Variants in EXOC6B observed in about 807,000 individuals in gnomAD.
EXOC6B encodes the protein SEC15 homolog B.
EXOC6B carries 54 observed loss-of-function variants against 113.5 expected under a neutral mutation model. The observed-to-expected ratio is 0.48, with a 90% CI of 0.38 to 0.60. EXOC6B has a LOEUF of 0.60. EXOC6B is among the 20% of genes least tolerant of loss of function. The pLI, the probability that EXOC6B is intolerant of heterozygous loss-of-function variation, is 0.00. For synonymous variants in EXOC6B, 357 were observed against 339.0 expected, an observed-to-expected ratio of 1.05 and a Z score of -0.58; for missense variants, 797 against 977.5, an observed-to-expected ratio of 0.82 and a Z score of 2.46.
intron 5 of EXOC6B, among the ~76,000 whole-genome samples, chr2:72,722,465 T>G (rs1293471312): frequency 6.6e-6 from 1 of 152,228 alleles, no homozygotes; most frequent in Non-Finnish European, 1.5e-5. Context: ...TTTTTTTGTT[T>G]TGTTTTGTTT....
Position 72,513,132 on chromosome 2 carries a change from C to T in EXOC6B, c.1167G>A (p.Ser389=). 1.2e-6 allele frequency: 2 copies of T among 1,612,704 alleles called. No homozygotes were observed. Among genetic ancestry groups the T allele is most frequent in the Non-Finnish European group, 8.5e-7 (1 of 1,179,166 alleles). Residue 389 remains serine (S), a splice_region_variant and synonymous_variant, in exon 11 of 22, where the codon TCG becomes TCA. Transcript: ENST00000272427. The part of the protein sequence containing the change: ...SKTIAALRTH[S]SYCSDPNLVL... ...AACTTCCCTTGGGCTTCTTACATAC[C>T]GAGTGGGTACGGAGTGCTGCGATGG...
intron 18 of EXOC6B, among the ~76,000 whole-genome samples, chr2:72,443,907 C>T (rs1696394455): frequency 6.6e-6 from 1 of 151,988 alleles, no homozygotes; most frequent in Admixed American, 6.6e-5. Flanking sequence ...GCCCATAGGC[C>T]CTCCCAAATC....
At chr2:72,647,099 A>C (rs1416933911) in intron 6 of EXOC6B, among the ~76,000 whole-genome samples, 2 of 152,218 alleles carry the variant, frequency 1.3e-5, no homozygotes, top group African/African-American at 2.4e-5. Context: ...TCAGGATACA[A>C]AATCAATGTG....
At chr2:72,725,183 T>C (rs1680227582) in intron 5 of EXOC6B, among the ~76,000 whole-genome samples, 2 of 152,260 alleles carry the variant, frequency 1.3e-5, no homozygotes, top group South Asian at 4.2e-4. Context: ...TTAAAGCAGC[T>C]AGAGAAAAGA....
chr2:72,427,604 G>A (rs1695276638), intron 18 of EXOC6B, among the ~76,000 whole-genome samples: 1 of 152,202 alleles, frequency 6.6e-6, no homozygotes, highest in East Asian at 1.9e-4. Context: ...AGCATTGTGG[G>A]GAACATGAGG....
At chr2:72,498,085 T>C (rs767520417) in intron 13 of EXOC6B, among the ~76,000 whole-genome samples, 10 of 152,208 alleles carry the variant, frequency 6.6e-5, no homozygotes, top group Non-Finnish European at 1.3e-4. Flanking sequence ...TTACTCACTA[T>C]AATTGAGTTG....
Position 72,439,253 on chromosome 2 carries a change from G to T in EXOC6B, c.1980+25907C>A, listed in dbSNP as rs115426912. On this transcript the variant is annotated intron_variant, in intron 18 of 21. Coordinates refer to ENST00000272427, the MANE Select transcript of EXOC6B (RefSeq NM_015189.3). ...TGGGGATATTTAACTAGGGTTCTCT[G>T]AATTTACTGAATTTGAATGCTGCCC... Among the ~76,000 whole-genome samples the T allele has an allele frequency of 5.3e-3, 804 of 152,286 alleles. 8 individuals carry two copies. Among genetic ancestry groups the T allele is most frequent in the African/African-American group, 0.019 (770 of 41,558 alleles).
rs182237165 is a variant in EXOC6B, at chr2:72,251,287, T to G, written c.2197-67100A>C. Among the ~76,000 whole-genome samples, 602 of 152,334 alleles carry G rather than the reference T, an allele frequency of 4.0e-3. 2 individuals carry two copies. Among genetic ancestry groups the G allele is most frequent in the Non-Finnish European group, 5.8e-3 (396 of 68,034 alleles). On this transcript the variant is annotated intron_variant, in intron 20 of 21. Transcript: ENST00000272427. ...TGTGTGCAAAGTGTATACAGGAATT[T>G]ATGTTTAGGTAACACAATTTGTTTT...
At chr2:72,270,632 T>C (rs971792878) in intron 20 of EXOC6B, among the ~76,000 whole-genome samples, 1 of 152,306 alleles carries the variant, frequency 6.6e-6, no homozygotes, top group Non-Finnish European at 1.5e-5. Flanking sequence ...TTTTCTTAGC[T>C]GCTTGCTTCT....
At chr2:72,402,637 A>G (rs1211720007) in intron 18 of EXOC6B, among the ~76,000 whole-genome samples, 8 of 152,130 alleles carry the variant, frequency 5.3e-5, no homozygotes, top group Admixed American at 5.2e-4. Context: ...GGGCTTTCTC[A>G]GATAGTTTCT....
chr2:72,699,456 C>T (rs1212628022), intron 6 of EXOC6B, among the ~76,000 whole-genome samples: 4 of 145,364 alleles, frequency 2.8e-5, no homozygotes, highest in Admixed American at 1.4e-4. Context: ...CCAGCCTGGG[C>T]GACAGAGTGA....
At chr2:72,570,102 G>T (rs1399156296) in intron 7 of EXOC6B, among the ~76,000 whole-genome samples, 1 of 152,088 alleles carries the variant, frequency 6.6e-6, no homozygotes, top group African/African-American at 2.4e-5. Context: ...AAAATTAAAT[G>T]AAATCATAAG....
In EXOC6B at chr2:72,311,595, T is replaced by G. The variant is rs557534427; in HGVS notation, c.2196+23352A>C. ...CCCACCAAGATAATCAGGATAATCT[T>G]ACCATCTCAAGGTCTTTAATATCAC... is the stretch of plus-strand genomic sequence containing the variant. On this transcript the variant is annotated intron_variant, in intron 20 of 21. Coordinates refer to ENST00000272427, the MANE Select transcript of EXOC6B (RefSeq NM_015189.3). 5.3e-5 allele frequency among the ~76,000 whole-genome samples: 8 copies of G among 152,304 alleles called. 1 individual carries two copies. The highest frequency in any genetic ancestry group is 1.9e-4 in the African/African-American group (8 of 41,556).
intron 20 of EXOC6B, chr2:72,263,584 A>G (rs1683867069): frequency 6.6e-6 from 1 of 152,210 alleles, no homozygotes; most frequent in African/African-American, 2.4e-5. Context: ...GAGAAATCCA[A>G]AAGAGAAATA....
At chr2:72,688,801 C>T (rs1188532817) in intron 6 of EXOC6B, among the ~76,000 whole-genome samples, 1 of 152,194 alleles carries the variant, frequency 6.6e-6, no homozygotes, top group Non-Finnish European at 1.5e-5. Context: ...TTGAATTCTT[C>T]CTTGTGTTTA....
intron 19 of EXOC6B, among the ~76,000 whole-genome samples, chr2:72,342,701 AGGTGG>A (rs1172606061): frequency 1.3e-5 from 2 of 152,168 alleles, no homozygotes; most frequent in African/African-American, 4.8e-5. Context: ...CAGAATGCTG[AGGTGG>A]GAGGACTGCT....
chr2:72,295,173 G>C (rs1376565499), intron 20 of EXOC6B, among the ~76,000 whole-genome samples: 1 of 148,446 alleles, frequency 6.7e-6, no homozygotes, highest in Non-Finnish European at 1.5e-5. Flanking sequence ...GGAGGTTTCA[G>C]TGAGCCGAGA....
chr2:72,299,523 T>C (rs941140233), intron 20 of EXOC6B, among the ~76,000 whole-genome samples: 8 of 152,040 alleles, frequency 5.3e-5, no homozygotes, highest in Non-Finnish European at 1.2e-4. Flanking sequence ...CCTACTTCTG[T>C]CAATTTGTCA....
chr2:72,820,777 T>C (rs1381010265), intron 1 of EXOC6B, among the ~76,000 whole-genome samples: 2 of 152,136 alleles, frequency 1.3e-5, no homozygotes, highest in Non-Finnish European at 2.9e-5. Flanking sequence ...AACAACTGGA[T>C]ATCCACATGC....
Sources: allele counts gnomAD v4.1 joint callset (sites outside exome capture counted in the v4.1 genomes callset), GRCh38; gene constraint gnomAD v4.1.1; transcripts MANE v1.5; gene names NCBI Gene and HGNC (gene_info 2026-07-23, HGNC 2026-07-21).